IRAK1BP1: variants seen among roughly 807,000 people sequenced by gnomAD.
The protein encoded by IRAK1BP1 is interleukin-1 receptor-associated kinase 1-binding protein 1.
Under a neutral mutation model 28.0 loss-of-function variants are expected in IRAK1BP1, and 24 were observed. The observed-to-expected ratio is 0.86, with a 90% CI of 0.62 to 1.20. IRAK1BP1 has a LOEUF of 1.20. Ranked by LOEUF, IRAK1BP1 falls within the 50% of genes most tolerant of loss-of-function variation. The pLI is 0.00. For synonymous variants in IRAK1BP1, 131 were observed against 116.3 expected (o/e 1.13, Z -0.81); for missense variants, 336 against 316.7 (o/e 1.06, Z -0.46).
chr6:78,933,432 A>G (rs1294868894), intron 4 of IRAK1BP1, among the ~76,000 whole-genome samples: 1 of 143,154 alleles, frequency 7.0e-6, no homozygotes, highest in Non-Finnish European at 1.6e-5. Context: ...CCTGGCCACC[A>G]TGGTGAACCC....
chr6:78,906,022 T>C (rs1772252629), downstream of IRAK1BP1, among the ~76,000 whole-genome samples: 1 of 152,164 alleles, frequency 6.6e-6, no homozygotes, highest in Non-Finnish European at 1.5e-5. Context: ...TGATCAGCAG[T>C]ATGGGATGTA....
chr6:78,947,850 A>G (rs967295122), downstream of IRAK1BP1: 2 of 1,003,514 alleles, frequency 2.0e-6, no homozygotes, highest in Non-Finnish European at 3.0e-6. Context: ...GGATTCGCAC[A>G]GGATTTTTAT....
chr6:78,896,286 A>G (rs1359383294), intron 2 of IRAK1BP1, among the ~76,000 whole-genome samples: 4 of 151,852 alleles, frequency 2.6e-5, no homozygotes, highest in African/African-American at 9.7e-5. Flanking sequence ...TTGAAAAAGC[A>G]GCATCTTTAT....
intron 4 of IRAK1BP1, among the ~76,000 whole-genome samples, chr6:78,943,918 A>G (rs1228081319): frequency 6.8e-6 from 1 of 148,002 alleles, no homozygotes; most frequent in Admixed American, 6.9e-5. Context: ...CCGGCAAGGC[A>G]GAGGTTGCAG....
intron 1 of IRAK1BP1, chr6:78,871,725 CA>C (rs1377153484): frequency 4.9e-6 from 1 of 203,602 alleles, no homozygotes; most frequent in Non-Finnish European, 9.4e-6. Flanking sequence ...CACACGGTCA[CA>C]GCCAGGAAGT....
At chr6:78,955,585 A>G in the IRAK1BP1 span, 1 of 734,648 alleles carries the variant, frequency 1.4e-6, no homozygotes, top group Non-Finnish European at 2.4e-6. Context: ...GAATATCAAT[A>G]TGGTAATAAT....
chr6:78,958,674 C>T, the IRAK1BP1 span: 1 of 904,208 alleles, frequency 1.1e-6, no homozygotes, highest in Non-Finnish European at 1.8e-6. Context: ...AAAACCAAGA[C>T]ATTCCAACTT....
chr6:78,897,404 G>A (rs55755815), intron 2 of IRAK1BP1, among the ~76,000 whole-genome samples: 20 of 151,734 alleles, frequency 1.3e-4, no homozygotes, highest in Middle Eastern at 3.4e-3. Context: ...TCCACATATA[G>A]ATCTGAACAG....
rs1379179781 is a variant in IRAK1BP1, at chr6:78,901,652, A to T, written c.*3318A>T. The T allele has an allele frequency of 6.6e-6, 1 of 152,178 alleles. No homozygotes were observed. The highest frequency in any genetic ancestry group is 2.4e-5 in the African/African-American group (1 of 41,464). The allele number at this position is 152,178 out of a possible 1,614,324, so 9.4% of individuals were successfully genotyped here. ...CTGTATCCTAAATGGAAGTGCTATT[A>T]AAAGGAAATGCTATTAAAATAAGAT... On this transcript the variant is annotated 3_prime_UTR_variant, in exon 4 of 4. Coordinates refer to ENST00000369940, the MANE Select transcript of IRAK1BP1 (RefSeq NM_001010844.4).
At chr6:78,946,167 T>C (rs1773802446) in exon 5 of IRAK1BP1, 1 of 1,614,098 alleles carries the variant, frequency 6.2e-7, no homozygotes, top group East Asian at 2.2e-5. Context: ...CAGCATTGTG[T>C]CTTGGCGGTA....
At chr6:78,922,690 T>A (rs1472812139) in intron 4 of IRAK1BP1, among the ~76,000 whole-genome samples, 2 of 152,094 alleles carry the variant, frequency 1.3e-5, no homozygotes, top group Non-Finnish European at 2.9e-5. Flanking sequence ...CGGGTTACCT[T>A]CAAAGGGAAG....
At chr6:78,897,691 T>A in intron 2 of IRAK1BP1, 138 bp from the exon 3 acceptor site, 2 of 554,404 alleles carry the variant, frequency 3.6e-6, no homozygotes, top group Non-Finnish European at 5.7e-6. Context: ...GTTATAAGTA[T>A]CAAATAGGCT....
downstream of IRAK1BP1, chr6:78,947,766 C>T: frequency 1.2e-6 from 2 of 1,606,936 alleles, no homozygotes; most frequent in South Asian, 2.2e-5. Flanking sequence ...TCAATGATGT[C>T]TCTGTAGTCC....
intron 4 of IRAK1BP1, among the ~76,000 whole-genome samples, chr6:78,922,090 G>A (rs566362928): frequency 2.0e-5 from 3 of 152,290 alleles, no homozygotes; most frequent in Admixed American, 6.5e-5. Context: ...ATTTGACAAG[G>A]TGAGAGAAGA....
chr6:78,968,582 G>A, the IRAK1BP1 span, among the ~76,000 whole-genome samples: 1 of 152,262 alleles, frequency 6.6e-6, no homozygotes, highest in African/African-American at 2.4e-5. Context: ...GATACTAAGG[G>A]ACAACTATAA....
chr6:78,880,131 A>G (rs1771171809), intron 1 of IRAK1BP1, among the ~76,000 whole-genome samples: 1 of 152,210 alleles, frequency 6.6e-6, no homozygotes, highest in Non-Finnish European at 1.5e-5. Flanking sequence ...AAAAAAAGAA[A>G]AGGAGAAAAT....
rs1772109523 is a variant in IRAK1BP1, at chr6:78,901,715, T to C, written c.*3381T>C. 6.6e-6 allele frequency: 1 copy of C among 152,174 alleles called. No homozygotes were observed. The allele number at this position is 152,174 out of a possible 1,614,324, so 9.4% of individuals were successfully genotyped here. ...TGATAATTCATAATGAATTTTAGGA[T>C]TCCATTCAATTACATACTAAAAATT... On this transcript the variant is annotated 3_prime_UTR_variant, in exon 4 of 4. Transcript: ENST00000369940.
Position 78,898,077 on chromosome 6 carries a change from CTTG to C in IRAK1BP1, c.530_532del (p.Val177del), listed in dbSNP as rs1188562249. Reference sequence around the variant, plus strand: ...TTAATTCCTAAGACGGCAAGCCTGTCTTGTTGCTGTTGAGAATGCGTGGCGCAA... The same window carrying C: ...TTAATTCCTAAGACGGCAAGCCTGTCTTGCTGTTGAGAATGCGTGGCGCAA... On this transcript the variant is annotated inframe_deletion, in exon 4 of 4. Transcript: ENST00000369940. The C allele has an allele frequency of 6.2e-7, 1 of 1,610,538 alleles. No individual in the cohort carries two copies. Among genetic ancestry groups the C allele is most frequent in the South Asian group, 1.1e-5 (1 of 90,516 alleles).
rs1223964300 is a variant in IRAK1BP1 at position 78,902,099 on chromosome 6, G to T, written c.*3765G>T. 5 of 152,142 alleles carry T rather than the reference G, an allele frequency of 3.3e-5. No homozygotes were observed. The highest frequency in any genetic ancestry group is 1.3e-4 in the Admixed American group (2 of 15,270). The allele number at this position is 152,142 out of a possible 1,614,324, so 9.4% of individuals were successfully genotyped here. On this transcript the variant is annotated 3_prime_UTR_variant, in exon 4 of 4. Coordinates refer to ENST00000369940, the MANE Select transcript of IRAK1BP1 (RefSeq NM_001010844.4). ...ATAAATTAGTTTAAGCTAACATTTAGACATTTACTATTACATATATGGTAT... is the reference window on the plus strand; with the variant it reads ...ATAAATTAGTTTAAGCTAACATTTATACATTTACTATTACATATATGGTAT...
Sources: gnomAD v4.1 joint callset for allele counts (sites outside exome capture counted in the v4.1 genomes callset) on GRCh38, gnomAD v4.1.1 for gene constraint, MANE v1.5 for transcripts, NCBI Gene and HGNC (gene_info 2026-07-23, HGNC 2026-07-21) for gene names.